Variants in RNGTT observed in about 807,000 individuals in gnomAD.
RNGTT encodes RNA guanylyltransferase and 5'-phosphatase, also known as mRNA-capping enzyme.
A neutral mutation model predicts 79.3 loss-of-function variants in RNGTT; 33 were observed. The ratio of observed to expected loss-of-function variants is 0.42; its 90% CI spans 0.32 to 0.56. The LOEUF (loss-of-function observed/expected upper bound fraction) is 0.56, where lower values mean the gene tolerates loss of function less well. Among genes scored for constraint, RNGTT ranks in the 20% least tolerant of loss-of-function variants. RNGTT has a pLI of 0.17. For synonymous variants in RNGTT, 222 were observed against 235.9 expected (o/e 0.94, Z 0.54); for missense variants, 497 against 739.1 (o/e 0.67, Z 3.80).
intron 12 of RNGTT, among the ~76,000 whole-genome samples, chr6:88,800,288 C>T (rs1194142740): frequency 6.6e-6 from 1 of 152,092 alleles, no homozygotes; most frequent in Non-Finnish European, 1.5e-5. Context: ...TTGAGCATCC[C>T]TAATACAAAA....
chr6:88,693,411 AT>A, intron 13 of RNGTT, among the ~76,000 whole-genome samples: 1 of 152,284 alleles, frequency 6.6e-6, no homozygotes, highest in South Asian at 2.1e-4. Flanking sequence ...TCAGAACTGA[AT>A]CATAACGAAA....
intron 13 of RNGTT, among the ~76,000 whole-genome samples, chr6:88,762,328 C>G (rs1582429488): frequency 6.6e-6 from 1 of 152,146 alleles, no homozygotes; most frequent in Non-Finnish European, 1.5e-5. Flanking sequence ...ACCAGCCTTC[C>G]CTACCAGGGA....
chr6:88,653,531 TTAA>T (rs1354872757), intron 14 of RNGTT, among the ~76,000 whole-genome samples: 8 of 152,156 alleles, frequency 5.3e-5, no homozygotes, highest in South Asian at 4.1e-4. Context: ...AAAGTTGATG[TTAA>T]TAATAACTTA....
intron 13 of RNGTT, among the ~76,000 whole-genome samples, chr6:88,768,778 A>G (rs915388889): frequency 1.3e-5 from 2 of 152,240 alleles, no homozygotes; most frequent in Non-Finnish European, 2.9e-5. Context: ...ACAAAAGTGA[A>G]ATAAAAACAA....
At chr6:88,680,093 C>G (rs959818031) in intron 13 of RNGTT, among the ~76,000 whole-genome samples, 1 of 152,112 alleles carries the variant, frequency 6.6e-6, no homozygotes, top group Non-Finnish European at 1.5e-5. Context: ...ACAACAACTG[C>G]AAACTCAAAA....
intron 2 of RNGTT, among the ~76,000 whole-genome samples, chr6:88,932,326 G>A (rs1242733187): frequency 1.3e-5 from 2 of 152,094 alleles, no homozygotes; most frequent in South Asian, 2.1e-4. Context: ...CGGTGACAAC[G>A]TGTGCACAGT....
chr6:88,800,024 CTCCTCCTCCCTT>C (rs1384227145), intron 12 of RNGTT, among the ~76,000 whole-genome samples: 6 of 152,196 alleles, frequency 3.9e-5, no homozygotes, highest in Non-Finnish European at 8.8e-5. Context: ...CCTCCTCCCT[CTCCTCCTCCCTT>C]AACCACAGAA....
At chr6:88,808,869 A>C (rs921111367) in intron 11 of RNGTT, among the ~76,000 whole-genome samples, 4 of 152,138 alleles carry the variant, frequency 2.6e-5, no homozygotes, top group Non-Finnish European at 5.9e-5. Flanking sequence ...CTGTGGGAGG[A>C]TAACTTGAGC....
intron 12 of RNGTT, among the ~76,000 whole-genome samples, chr6:88,772,830 G>C (rs1778735528): frequency 6.6e-6 from 1 of 151,984 alleles, no homozygotes; most frequent in Non-Finnish European, 1.5e-5. Flanking sequence ...ACAGGTGCTG[G>C]AGAGGATGTG....
chr6:88,669,706 C>G (rs1347165111), intron 14 of RNGTT, among the ~76,000 whole-genome samples: 4 of 152,216 alleles, frequency 2.6e-5, no homozygotes, highest in Admixed American at 6.5e-5. Flanking sequence ...GCCAAGCTAC[C>G]TGATCAATGG....
chr6:88,951,610 G>T (rs1785250877), intron 1 of RNGTT, among the ~76,000 whole-genome samples: 2 of 152,148 alleles, frequency 1.3e-5, no homozygotes, highest in Admixed American at 1.3e-4. Context: ...TGAGAGGGGG[G>T]ATAAAACCTG....
chr6:88,928,022 T>C (rs1582140310), intron 4 of RNGTT, among the ~76,000 whole-genome samples: 1 of 151,462 alleles, frequency 6.6e-6, no homozygotes, highest in Admixed American at 6.6e-5. Flanking sequence ...CTGGGCAACA[T>C]AGTGAGACCC....
intron 10 of RNGTT, among the ~76,000 whole-genome samples, chr6:88,849,038 GAAGTA>G (rs1372879697): frequency 6.6e-6 from 1 of 151,958 alleles, no homozygotes; most frequent in Admixed American, 6.6e-5. Context: ...TCAGTGTCAA[GAAGTA>G]AAGGAGACAG....
At chr6:88,938,891 T>G (rs889635009) in intron 2 of RNGTT, among the ~76,000 whole-genome samples, 3 of 152,198 alleles carry the variant, frequency 2.0e-5, no homozygotes, top group African/African-American at 4.8e-5. Context: ...CTTTGCTGGG[T>G]ATGGTATCCT....
At chr6:88,681,875 G>A (rs909592240) in intron 13 of RNGTT, among the ~76,000 whole-genome samples, 21 of 152,122 alleles carry the variant, frequency 1.4e-4, no homozygotes, top group Non-Finnish European at 2.9e-4. Flanking sequence ...GGCTACCAAA[G>A]AGGATGTTTT....
At chr6:88,853,395 C>T (rs1371716282) in intron 9 of RNGTT, among the ~76,000 whole-genome samples, 1 of 151,718 alleles carries the variant, frequency 6.6e-6, no homozygotes, top group Non-Finnish European at 1.5e-5. Context: ...ATCCCAGCTA[C>T]TGGGGAGGCT....
chr6:88,874,620 T>C (rs1334252038), intron 8 of RNGTT, among the ~76,000 whole-genome samples: 2 of 151,588 alleles, frequency 1.3e-5, no homozygotes, highest in African/African-American at 4.8e-5. Flanking sequence ...TAAGAGTATG[T>C]GAGCAAATAA....
intron 9 of RNGTT, among the ~76,000 whole-genome samples, chr6:88,850,464 T>C (rs1781634828): frequency 1.3e-5 from 2 of 151,940 alleles, no homozygotes; most frequent in Non-Finnish European, 2.9e-5. Flanking sequence ...AAATGCAGTA[T>C]TACTTAAAAT....
chr6:88,813,520 T>C (rs1344287001), intron 11 of RNGTT, among the ~76,000 whole-genome samples: 1 of 152,208 alleles, frequency 6.6e-6, no homozygotes, highest in Non-Finnish European at 1.5e-5. Flanking sequence ...TCAAGTGTCA[T>C]AGTATTGGCT....
Sources: gnomAD v4.1 joint callset for allele counts (sites outside exome capture counted in the v4.1 genomes callset) on GRCh38, gnomAD v4.1.1 for gene constraint, MANE v1.5 for transcripts, NCBI Gene and HGNC (gene_info 2026-07-23, HGNC 2026-07-21) for gene names.